ASPH: variants seen among roughly 807,000 people sequenced by gnomAD.
ASPH encodes the protein aspartyl/asparaginyl beta-hydroxylase.
Under a neutral mutation model 118.4 loss-of-function variants are expected in ASPH, and 100 were observed. The ratio of observed to expected loss-of-function variants is 0.84; its 90% CI spans 0.72 to 1.00. ASPH has a LOEUF of 1.00. Ranked by LOEUF, ASPH falls within the 50% of genes least tolerant of loss-of-function variation. ASPH has a pLI of 0.00. For missense variants in ASPH, 920 were observed against 919.5 expected, an observed-to-expected ratio of 1.00 and a Z score of -0.01; for synonymous variants, 315 against 325.6, an observed-to-expected ratio of 0.97 and a Z score of 0.35.
chr8:61,582,066 G>C (rs1837741583), intron 15 of ASPH, among the ~76,000 whole-genome samples: 1 of 152,112 alleles, frequency 6.6e-6, no homozygotes, highest in African/African-American at 2.4e-5. Flanking sequence ...TGCATCCTCT[G>C]AAAATACTAG....
intron 12 of ASPH, among the ~76,000 whole-genome samples, chr8:61,633,964 C>T (rs1279669110): frequency 6.6e-6 from 1 of 152,102 alleles, no homozygotes; most frequent in Non-Finnish European, 1.5e-5. Context: ...AGTACCTGCC[C>T]GACTAACCTC....
At chr8:61,522,220 T>A (rs1040058788) in intron 22 of ASPH, among the ~76,000 whole-genome samples, 2 of 152,174 alleles carry the variant, frequency 1.3e-5, no homozygotes, top group African/African-American at 4.8e-5. Context: ...GCCAGTCCTT[T>A]AAAAAAACAT....
chr8:61,663,676 A>G (rs1019799896), intron 3 of ASPH: 1 of 983,284 alleles, frequency 1.0e-6, no homozygotes, highest in Non-Finnish European at 1.2e-6. Context: ...ATCAAAACAT[A>G]AAACTCGAAG....
At chr8:61,653,741 A>G in intron 3 of ASPH, 81 bp from the exon 4 acceptor site, 2 of 1,382,118 alleles carry the variant, frequency 1.4e-6, no homozygotes, top group Non-Finnish European at 2.0e-6. Context: ...TAATATTTTC[A>G]AACATTTAAT....
At chr8:61,525,331 C>A (rs1313677009) in intron 22 of ASPH, among the ~76,000 whole-genome samples, 1 of 150,854 alleles carries the variant, frequency 6.6e-6, no homozygotes, top group East Asian at 2.0e-4. Flanking sequence ...ATGAATATAT[C>A]AATTCACTGA....
intron 21 of ASPH, among the ~76,000 whole-genome samples, chr8:61,529,290 C>A (rs1298512065): frequency 6.6e-6 from 1 of 152,188 alleles, no homozygotes; most frequent in Non-Finnish European, 1.5e-5. Context: ...GCCTCCTGGT[C>A]TCAGAGATTT....
intron 14 of ASPH, among the ~76,000 whole-genome samples, chr8:61,616,194 G>A (rs868190568): frequency 1.2e-4 from 19 of 152,138 alleles, no homozygotes; most frequent in Admixed American, 1.2e-3. Context: ...AGGTTCCAGA[G>A]GTTCCAGCCT....
At chr8:61,534,663 C>T (rs1237051775) in intron 21 of ASPH, among the ~76,000 whole-genome samples, 1 of 152,192 alleles carries the variant, frequency 6.6e-6, no homozygotes, top group African/African-American at 2.4e-5. Flanking sequence ...TGAGGTTTGA[C>T]CTAAACCATT....
intron 1 of ASPH, among the ~76,000 whole-genome samples, chr8:61,704,194 CAAAAAAAAAAAAAAAAAAAAAAAAAA>C (rs61553495): frequency 7.4e-5 from 3 of 40,426 alleles, no homozygotes; most frequent in South Asian, 2.3e-3. Context: ...GACTCCGTCT[CAAAAAAAAAAAAAAAAAAAAAAAAAA>C]AAAAAAAAAA....
rs1805127497 is a variant in ASPH, at chr8:61,502,582, G to A, written c.*777C>T. ...ATTGGCATTAAAAAAATTTGCATCT[G>A]GGATTTTTATAACAATATAAAATAA... On this transcript the variant is annotated 3_prime_UTR_variant, in exon 25 of 25. Coordinates refer to ENST00000379454, the MANE Select transcript of ASPH (RefSeq NM_004318.4). 6.6e-6 allele frequency: 1 copy of A among 152,102 alleles called. No homozygotes were observed. Among genetic ancestry groups the A allele is most frequent in the Admixed American group, 6.5e-5 (1 of 15,272 alleles). The allele number at this position is 152,102 out of a possible 1,614,324, so 9.4% of individuals were successfully genotyped here.
At chr8:61,661,438 T>C (rs1816861538) in intron 3 of ASPH, 1 of 152,264 alleles carries the variant, frequency 6.6e-6, no homozygotes. Context: ...TTGTCTTCAA[T>C]TTACAAATGA....
chr8:61,624,734 A>T (rs1241739486), intron 13 of ASPH: 1 of 985,694 alleles, frequency 1.0e-6, no homozygotes, highest in East Asian at 1.1e-4. Flanking sequence ...ACAAAAATCC[A>T]GCAAAACTTA....
At chr8:61,572,756 C>T (rs118089891) in intron 16 of ASPH, among the ~76,000 whole-genome samples, 1,551 of 152,236 alleles carry the variant, frequency 0.01, 15 homozygotes, top group Non-Finnish European at 0.015. Context: ...AATCCATTTT[C>T]CACTCAGTAA....
At chr8:61,575,726 T>C (rs905625981) in intron 16 of ASPH, among the ~76,000 whole-genome samples, 12 of 152,196 alleles carry the variant, frequency 7.9e-5, no homozygotes, top group African/African-American at 2.4e-4. Flanking sequence ...AAAACCTCTC[T>C]GGCTAGGGAG....
At chr8:61,687,745 A>C (rs1440883541) in intron 1 of ASPH, 2 of 152,168 alleles carry the variant, frequency 1.3e-5, no homozygotes, top group African/African-American at 4.8e-5. Context: ...TCTTAGGAAG[A>C]TTTTCATTCA....
Position 61,665,400 on chromosome 8 carries a change from T to C in ASPH, c.323-11740A>G, listed in dbSNP as rs1169653545. On this transcript the variant is annotated intron_variant, in intron 3 of 24. Transcript: ENST00000379454. ...GATTTTTTCCTATTTTCCTTGGTTTTAGCACTTTTTTCTAGGTCCACTTTC... is the reference window on the plus strand; with the variant it reads ...GATTTTTTCCTATTTTCCTTGGTTTCAGCACTTTTTTCTAGGTCCACTTTC... 7 of 1,613,128 alleles carry C rather than the reference T, an allele frequency of 4.3e-6. No homozygotes were observed. In the Admixed American group the frequency reaches 1.2e-4, roughly 27 times the overall value.
At chr8:61,626,356 C>A in intron 13 of ASPH, 1 of 1,357,174 alleles carries the variant, frequency 7.4e-7, no homozygotes, top group Non-Finnish European at 9.6e-7. Context: ...TTTCATTCTA[C>A]TTTTTAAAAA....
intron 14 of ASPH, among the ~76,000 whole-genome samples, chr8:61,599,667 C>G (rs1246087729): frequency 6.6e-6 from 1 of 151,852 alleles, no homozygotes; most frequent in African/African-American, 2.4e-5. Context: ...ATTGAAAACC[C>G]TAGAGGAAAT....
At chr8:61,679,942 T>TAAAA (rs1334197757) in intron 3 of ASPH, among the ~76,000 whole-genome samples, 6 of 67,764 alleles carry the variant, frequency 8.9e-5, no homozygotes, top group East Asian at 7.1e-4. Flanking sequence ...TGGGCAATAA[T>TAAAA]AAAAAAAAAA....
Sources: gnomAD v4.1 joint callset for allele counts (sites outside exome capture counted in the v4.1 genomes callset) on GRCh38, gnomAD v4.1.1 for gene constraint, MANE v1.5 for transcripts, NCBI Gene and HGNC (gene_info 2026-07-23, HGNC 2026-07-21) for gene names.